Variants in ZC3H11A observed in about 807,000 individuals in gnomAD.
The protein encoded by ZC3H11A is zinc finger CCCH-type containing 11A, also known as zinc finger CCCH domain-containing protein 11A.
ZC3H11A carries 22 observed loss-of-function variants against 90.8 expected under a neutral mutation model. That is an observed-to-expected ratio of 0.24 (90% confidence interval 0.17 to 0.35). The LOEUF (loss-of-function observed/expected upper bound fraction) is 0.35, where lower values mean the gene tolerates loss of function less well. ZC3H11A is among the 10% of genes least tolerant of loss of function. ZC3H11A has a pLI of 1.00. For missense variants in ZC3H11A, 701 were observed against 964.9 expected (o/e 0.73, Z 3.62); for synonymous variants, 294 against 339.8 (o/e 0.87, Z 1.48).
intron 2 of ZC3H11A, among the ~76,000 whole-genome samples, chr1:203,815,211 C>CTTTCTT (rs779729339): frequency 0.076 from 4,429 of 58,512 alleles, 379 homozygotes; most frequent in East Asian, 0.47. Context: ...TCTTCCTTTT[C>CTTTCTT]TTTTCTTTTT....
At chr1:203,825,648 C>T (rs1176464335) in intron 4 of ZC3H11A, among the ~76,000 whole-genome samples, 2 of 152,140 alleles carry the variant, frequency 1.3e-5, no homozygotes, top group East Asian at 3.9e-4. Flanking sequence ...ATTGGTCAGG[C>T]TCCTGACCTC....
intron 15 of ZC3H11A, 135 bp from the exon 16 acceptor site, chr1:203,850,380 G>T: frequency 7.3e-7 from 1 of 1,369,712 alleles, no homozygotes; most frequent in Non-Finnish European, 1.0e-6. Context: ...CCTTTGAATC[G>T]TTTTCAGTCT....
chr1:203,824,796 T>A (rs1405027890), intron 4 of ZC3H11A, among the ~76,000 whole-genome samples: 1 of 152,018 alleles, frequency 6.6e-6, no homozygotes, highest in African/African-American at 2.4e-5. Context: ...AATAGATTGT[T>A]AGGCCGGACA....
chr1:203,852,404 G>C lies in ZC3H11A; in HGVS notation c.*5G>C. ...TCAGAAATGATTGATAGCTGAAGGT[G>C]GTAGTGAGGACACTTTAAAAAAAAA... On this transcript the variant is annotated 3_prime_UTR_variant, in exon 18 of 18. Coordinates refer to ENST00000367210, the MANE Select transcript of ZC3H11A (RefSeq NM_001376342.1). The C allele has an allele frequency of 6.2e-7, 1 of 1,613,320 alleles. No homozygotes were observed. The highest frequency in any genetic ancestry group is 1.3e-5 in the African/African-American group (1 of 74,776).
intron 9 of ZC3H11A, among the ~76,000 whole-genome samples, chr1:203,832,510 G>A (rs1400901316): frequency 2.6e-5 from 4 of 152,072 alleles, no homozygotes; most frequent in East Asian, 3.9e-4. Flanking sequence ...ATAGGCACCC[G>A]CCACCACGCC....
At chr1:203,852,082 G>A in intron 17 of ZC3H11A, 59 bp from the exon 18 acceptor site, 1 of 1,603,896 alleles carries the variant, frequency 6.2e-7, no homozygotes, top group Non-Finnish European at 8.5e-7. Flanking sequence ...GTGAGACTAG[G>A]TGATTCAGCC....
chr1:203,797,608 G>C lies in ZC3H11A; in HGVS notation c.-1588+1814G>C, dbSNP rs760016006. On this transcript the variant is annotated intron_variant, in intron 1 of 17. Coordinates refer to ENST00000367210, the MANE Select transcript of ZC3H11A (RefSeq NM_001376342.1). ...ACTTTTAGTGATTCTGGGATTCTGG[G>C]ATGTGTTCCTATTAATTCTAATACA... The C allele has an allele frequency of 2.5e-5, 39 of 1,535,500 alleles. No homozygotes were observed. The highest frequency in any genetic ancestry group is 3.2e-5 in the Non-Finnish European group (37 of 1,146,824).
In ZC3H11A at chr1:203,829,644, A is replaced by G. The variant is rs775256878; in HGVS notation, c.492A>G (p.Glu164=). ...PVVINAADDD[E]DDDDQFSEEG... ...TAATTAATGCTGCAGATGATGATGA[A>G]GATGATGATGGTAAGTTCTGTCTGG... The change falls in exon 6 of 18, where the codon GAA becomes GAG. Residue 164 remains glutamate, a synonymous_variant. Transcript: ENST00000367210. The G allele has an allele frequency of 6.2e-7, 1 of 1,614,114 alleles. No individual in the cohort carries two copies. Among genetic ancestry groups the G allele is most frequent in the East Asian group, 2.2e-5 (1 of 44,902 alleles).
intron 3 of ZC3H11A, among the ~76,000 whole-genome samples, chr1:203,817,865 G>T (rs1676889114): frequency 6.6e-6 from 1 of 151,904 alleles, no homozygotes; most frequent in Non-Finnish European, 1.5e-5. Context: ...CCATTCTCCT[G>T]CCTCAGCCTC....
chr1:203,812,236 G>GT (rs1158036571), intron 2 of ZC3H11A, among the ~76,000 whole-genome samples: 3 of 152,100 alleles, frequency 2.0e-5, no homozygotes, highest in Non-Finnish European at 4.4e-5. Context: ...ATTAAGCCTA[G>GT]TATCTATTAG....
At chr1:203,838,448 T>C (rs956069706) in intron 11 of ZC3H11A, among the ~76,000 whole-genome samples, 2 of 152,210 alleles carry the variant, frequency 1.3e-5, no homozygotes, top group African/African-American at 2.4e-5. Context: ...AGTTAGAAAT[T>C]AGCCAGGTGA....
At chr1:203,796,091 TC>T (rs1324110067) in intron 1 of ZC3H11A, 1 of 73,388 alleles carries the variant, frequency 1.4e-5, no homozygotes, top group Non-Finnish European at 2.7e-5. Context: ...CTTCCTCCCC[TC>T]CCCCACATCC....
chr1:203,841,969 G>C (rs1303440419), intron 12 of ZC3H11A, among the ~76,000 whole-genome samples: 19 of 150,074 alleles, frequency 1.3e-4, no homozygotes, highest in Non-Finnish European at 2.1e-4. Context: ...ACGGGGCCGC[G>C]GCTGGGCAGA....
At position 203,829,813 on chromosome 1, in the gene ZC3H11A, C is replaced by T; in HGVS notation, c.536C>T (p.Thr179Ile). The T allele has an allele frequency of 4.3e-6, 7 of 1,614,044 alleles. No homozygotes were observed. The highest frequency in any genetic ancestry group is 5.9e-6 in the Non-Finnish European group (7 of 1,179,960). The stretch of plus-strand genomic sequence containing the variant: ...TCTGAGGAAGGTGATGAAACCAAAA[C>T]ACCTACCCTGCAACCAACTCCTGAA... ...QFSEEGDETK[T>I]PTLQPTPEVH... Residue 179 changes from threonine (T) to isoleucine (I), a missense_variant, in exon 7 of 18, where the codon ACA (threonine) becomes ATA (isoleucine). Transcript: ENST00000367210.
At chr1:203,831,322 T>C in intron 8 of ZC3H11A, among the ~76,000 whole-genome samples, 1 of 152,146 alleles carries the variant, frequency 6.6e-6, no homozygotes, top group East Asian at 1.9e-4. Context: ...TTAAATAGAA[T>C]AGGTTGGATT....
At chr1:203,842,139 C>G (rs936769883) in intron 12 of ZC3H11A, among the ~76,000 whole-genome samples, 2 of 151,684 alleles carry the variant, frequency 1.3e-5, no homozygotes, top group Non-Finnish European at 2.9e-5. Flanking sequence ...CGGAAGGGCT[C>G]CTCACATCCC....
chr1:203,849,613 G>A (rs1384337758), intron 14 of ZC3H11A, 98 bp from the exon 15 acceptor site: 5 of 1,145,496 alleles, frequency 4.4e-6, no homozygotes, highest in Non-Finnish European at 6.4e-6. Flanking sequence ...TCTGGATCAT[G>A]TGAGATTCTG....
chr1:203,813,114 C>T (rs951648783), intron 2 of ZC3H11A, among the ~76,000 whole-genome samples: 11 of 152,124 alleles, frequency 7.2e-5, no homozygotes, highest in Non-Finnish European at 1.5e-4. Context: ...CAGCCTGTGG[C>T]TTTTTCATTC....
chr1:203,842,536 G>A (rs894371824), intron 12 of ZC3H11A, among the ~76,000 whole-genome samples: 21 of 151,428 alleles, frequency 1.4e-4, no homozygotes, highest in Non-Finnish European at 1.6e-4. Flanking sequence ...GCAGTGAGCC[G>A]AGATGGCAGC....
Sources: allele counts gnomAD v4.1 joint callset (sites outside exome capture counted in the v4.1 genomes callset), GRCh38; gene constraint gnomAD v4.1.1; transcripts MANE v1.5; gene names NCBI Gene and HGNC (gene_info 2026-07-23, HGNC 2026-07-21).